The following PCDH15 variants were observed in gnomAD, a reference collection of about 807,000 sequenced individuals.
PCDH15 encodes the protein protocadherin related 15, also known as protocadherin-15.
In PCDH15, 129 loss-of-function variants were observed where a neutral mutation model predicts 178.5. That is an observed-to-expected ratio of 0.72 (90% CI 0.63 to 0.84). PCDH15 has a LOEUF of 0.84. Ranked by LOEUF, PCDH15 falls within the 40% of genes least tolerant of loss-of-function variation. The probability of loss-of-function intolerance (pLI) is 0.00; values close to 1 mark genes in which losing one functional copy is unlikely to be tolerated. For missense variants in PCDH15, 2,230 were observed against 2,099.9 expected (o/e 1.06, Z -1.21); for synonymous variants, 800 against 732.0 (o/e 1.09, Z -1.50).
chr10:54,956,928 G>C (rs757528470), intron 2 of PCDH15, among the ~76,000 whole-genome samples: 4 of 151,556 alleles, frequency 2.6e-5, no homozygotes, highest in Non-Finnish European at 5.9e-5. Flanking sequence ...AGTGAATGGT[G>C]GAACCAGGAA....
At chr10:55,362,992 G>A (rs1305429990) in intron 2 of PCDH15, among the ~76,000 whole-genome samples, 3 of 152,140 alleles carry the variant, frequency 2.0e-5, no homozygotes, top group Non-Finnish European at 4.4e-5. Flanking sequence ...AATGTTTTAA[G>A]AAAGTTTACA....
At chr10:55,605,105 A>C (rs1843183705) in intron 2 of PCDH15, among the ~76,000 whole-genome samples, 1 of 151,238 alleles carries the variant, frequency 6.6e-6, no homozygotes, top group South Asian at 2.1e-4. Context: ...CCATCAGAGA[A>C]TACTACAAAC....
At chr10:55,263,471 C>G (rs528814361) in intron 1 of PCDH15, among the ~76,000 whole-genome samples, 220 of 152,268 alleles carry the variant, frequency 1.4e-3, no homozygotes, top group Middle Eastern at 0.01. Context: ...CCTTTCCCTT[C>G]CCAGTTCAGG....
intron 18 of PCDH15, among the ~76,000 whole-genome samples, chr10:54,060,609 G>A (rs1455371774): frequency 2.0e-5 from 3 of 152,076 alleles, no homozygotes; most frequent in Non-Finnish European, 2.9e-5. Context: ...TTGCGATAGC[G>A]AAATCCAGTC....
chr10:55,440,510 T>C (rs1356045302), intron 2 of PCDH15, among the ~76,000 whole-genome samples: 1 of 152,132 alleles, frequency 6.6e-6, no homozygotes, highest in African/African-American at 2.4e-5. Context: ...TATGTTTTAA[T>C]AGAGAAAAAC....
intron 8 of PCDH15, among the ~76,000 whole-genome samples, chr10:54,311,087 T>C (rs1002036481): frequency 2.0e-5 from 3 of 152,074 alleles, no homozygotes; most frequent in Non-Finnish European, 4.4e-5. Context: ...ACATGAAAGC[T>C]AGATTTTTTA....
chr10:54,875,000 T>C (rs188772543), intron 3 of PCDH15, among the ~76,000 whole-genome samples: 1 of 152,276 alleles, frequency 6.6e-6, no homozygotes, highest in East Asian at 1.9e-4. Flanking sequence ...GTTTACAGCC[T>C]ATATACAAGC....
chr10:54,600,445 C>G, intron 2 of PCDH15: 1 of 578,634 alleles, frequency 1.7e-6, no homozygotes, highest in Admixed American at 1.9e-5. Flanking sequence ...AGACTTAAGC[C>G]CAGCAGATGA....
intron 2 of PCDH15, among the ~76,000 whole-genome samples, chr10:55,076,634 CT>C (rs1564776173): frequency 6.6e-6 from 1 of 150,754 alleles, no homozygotes; most frequent in East Asian, 2.0e-4. Flanking sequence ...TATTTTTGGT[CT>C]TTTAGTAGAG....
intron 9 of PCDH15, among the ~76,000 whole-genome samples, chr10:54,227,600 G>A (rs985867307): frequency 4.6e-5 from 7 of 152,162 alleles, no homozygotes; most frequent in Admixed American, 6.5e-5. Context: ...ACAGCTCCTC[G>A]TTACTTATGC....
intron 2 of PCDH15, among the ~76,000 whole-genome samples, chr10:55,392,139 T>C (rs1837808288): frequency 6.6e-6 from 1 of 152,052 alleles, no homozygotes; most frequent in South Asian, 2.1e-4. Flanking sequence ...ACAAATGAAA[T>C]AGTAACATTA....
chr10:54,804,153 C>T (rs1459366632), upstream of PCDH15, among the ~76,000 whole-genome samples: 3 of 152,242 alleles, frequency 2.0e-5, no homozygotes, highest in Non-Finnish European at 1.5e-5. Context: ...CATTCTCCTG[C>T]CTCAGCCTCC....
chr10:54,824,024 A>C (rs1376232046), intron 3 of PCDH15, among the ~76,000 whole-genome samples: 1 of 152,156 alleles, frequency 6.6e-6, no homozygotes, highest in Admixed American at 6.6e-5. Context: ...CTGCTATCAA[A>C]GCATATTAGC....
chr10:55,467,705 C>T (rs1038131044), intron 2 of PCDH15, among the ~76,000 whole-genome samples: 2 of 151,796 alleles, frequency 1.3e-5, no homozygotes, highest in Admixed American at 1.3e-4. Flanking sequence ...GTGGTTCACG[C>T]CTGTAATCCC....
intron 1 of PCDH15, among the ~76,000 whole-genome samples, chr10:55,172,334 A>G (rs987537972): frequency 6.6e-6 from 1 of 152,022 alleles, no homozygotes; most frequent in African/African-American, 2.4e-5. Flanking sequence ...TTTCAAGATA[A>G]AAGTACAAAA....
intron 1 of PCDH15, among the ~76,000 whole-genome samples, chr10:55,181,695 A>G (rs563291358): frequency 6.6e-6 from 1 of 152,128 alleles, no homozygotes; most frequent in Admixed American, 6.6e-5. Flanking sequence ...GTATAAATGC[A>G]TATATTATGT....
At chr10:54,763,761 T>C (rs1468719529) in intron 1 of PCDH15, among the ~76,000 whole-genome samples, 2 of 147,712 alleles carry the variant, frequency 1.4e-5, no homozygotes, top group East Asian at 1.9e-4. Context: ...TAAATATATA[T>C]ATATATAGTA....
chr10:54,423,497 A>T (rs1447066371), intron 3 of PCDH15, among the ~76,000 whole-genome samples: 1 of 151,842 alleles, frequency 6.6e-6, no homozygotes, highest in Non-Finnish European at 1.5e-5. Context: ...GTGGGTGGGT[A>T]GGGAATCACA....
intron 1 of PCDH15, among the ~76,000 whole-genome samples, chr10:54,668,500 T>G (rs973050555): frequency 6.6e-6 from 1 of 152,156 alleles, no homozygotes; most frequent in African/African-American, 2.4e-5. Flanking sequence ...TCTACTATTC[T>G]GAGTACAGAT....
Sources: gnomAD v4.1 joint callset for allele counts (sites outside exome capture counted in the v4.1 genomes callset) on GRCh38, gnomAD v4.1.1 for gene constraint, MANE v1.5 for transcripts, NCBI Gene and HGNC (gene_info 2026-07-23, HGNC 2026-07-21) for gene names.